Variants in FER observed in about 807,000 individuals in gnomAD.
The protein encoded by FER is tyrosine-protein kinase Fer.
FER carries 63 observed loss-of-function variants against 111.0 expected under a neutral mutation model. The observed-to-expected ratio is 0.57, with a 90% CI of 0.46 to 0.70. The LOEUF is 0.70. Ranked by LOEUF, FER falls within the 30% of genes least tolerant of loss-of-function variation. The probability of loss-of-function intolerance (pLI) is 0.00; values close to 1 mark genes in which losing one functional copy is unlikely to be tolerated. For synonymous variants in FER, 327 were observed against 313.9 expected (o/e 1.04, Z -0.44); for missense variants, 914 against 954.0 (o/e 0.96, Z 0.55).
chr5:109,090,137 A>G (rs1210790462), intron 16 of FER, among the ~76,000 whole-genome samples: 1 of 152,172 alleles, frequency 6.6e-6, no homozygotes, highest in African/African-American at 2.4e-5. Flanking sequence ...CACTGGGGGC[A>G]CTGAGAACCA....
At chr5:108,967,859 A>G (rs746486561) in intron 13 of FER, among the ~76,000 whole-genome samples, 4 of 151,644 alleles carry the variant, frequency 2.6e-5, no homozygotes, top group Non-Finnish European at 5.9e-5. Context: ...ACAGGCTCTC[A>G]ATGTAGTCCA....
chr5:109,182,410 G>GA (rs1407680744), intron 18 of FER, among the ~76,000 whole-genome samples: 1 of 152,068 alleles, frequency 6.6e-6, no homozygotes, highest in Non-Finnish European at 1.5e-5. Flanking sequence ...TTAGAATCTA[G>GA]AAAAAATGGC....
At chr5:108,902,486 A>G (rs896361870) in intron 10 of FER, among the ~76,000 whole-genome samples, 1 of 152,174 alleles carries the variant, frequency 6.6e-6, no homozygotes, top group African/African-American at 2.4e-5. Context: ...GCCAAAAGAA[A>G]CAGTAATATT....
At chr5:108,796,823 C>G (rs1756079618) in intron 2 of FER, among the ~76,000 whole-genome samples, 1 of 152,088 alleles carries the variant, frequency 6.6e-6, no homozygotes, top group African/African-American at 2.4e-5. Context: ...AGAGGCAAGG[C>G]CTGGAATTGG....
At chr5:109,009,332 C>T (rs528083544) in intron 13 of FER, among the ~76,000 whole-genome samples, 54 of 152,162 alleles carry the variant, frequency 3.5e-4, no homozygotes, top group African/African-American at 1.3e-3. Flanking sequence ...CCGTGCCCGG[C>T]CCTCTTCCAT....
intron 3 of FER, among the ~76,000 whole-genome samples, chr5:108,810,271 G>A (rs1048117434): frequency 6.6e-6 from 1 of 152,268 alleles, no homozygotes; most frequent in East Asian, 1.9e-4. Flanking sequence ...TAGGTAAGAC[G>A]TGGCTGTGGC....
intron 3 of FER, among the ~76,000 whole-genome samples, chr5:108,807,441 T>C (rs1049306588): frequency 1.3e-5 from 2 of 152,248 alleles, no homozygotes; most frequent in Non-Finnish European, 2.9e-5. Context: ...TGAGGATCTT[T>C]TGTTTTTCTG....
At chr5:109,035,066 G>A (rs1178056232) in intron 13 of FER, among the ~76,000 whole-genome samples, 2 of 126,616 alleles carry the variant, frequency 1.6e-5, no homozygotes, top group African/African-American at 3.1e-5. Flanking sequence ...ACTGAGTCTC[G>A]CTCTGTCATC....
chr5:108,926,976 C>G (rs1439376470), intron 10 of FER, among the ~76,000 whole-genome samples: 3 of 151,992 alleles, frequency 2.0e-5, no homozygotes, highest in Admixed American at 6.6e-5. Context: ...TGAGACTAGT[C>G]TAGACATAGT....
chr5:109,177,104 A>G (rs201481101), intron 17 of FER, among the ~76,000 whole-genome samples: 1 of 128,912 alleles, frequency 7.8e-6, no homozygotes, highest in Non-Finnish European at 1.9e-5. Flanking sequence ...TATAAGTGAT[A>G]TAAAAATTAT....
chr5:108,908,831 A>C (rs1272817306), intron 10 of FER, among the ~76,000 whole-genome samples: 1 of 152,114 alleles, frequency 6.6e-6, no homozygotes, highest in Non-Finnish European at 1.5e-5. Context: ...TTGAGCTCAG[A>C]AGTTCTAGAC....
chr5:109,107,478 C>G (rs1749084129), intron 17 of FER, among the ~76,000 whole-genome samples: 3 of 152,068 alleles, frequency 2.0e-5, no homozygotes, highest in Admixed American at 6.6e-5. Context: ...TCCTCTCCCT[C>G]CCTCCACCCT....
intron 13 of FER, among the ~76,000 whole-genome samples, chr5:109,032,422 T>C (rs1278614520): frequency 6.6e-6 from 1 of 152,156 alleles, no homozygotes; most frequent in Non-Finnish European, 1.5e-5. Flanking sequence ...TTGCCCCCAG[T>C]TTCCTGTATT....
rs1218958741 is a variant in FER at position 109,146,217 on chromosome 5, TATATATTATCTATCTA to T, written c.2049-34523_2049-34508del. ...ATATATAATCTATCTATTTTATATA[TATATATTATCTATCTA>T]ATATATATATAATCTATCTAATATA... is the stretch of plus-strand genomic sequence containing the variant. On this transcript the variant is annotated intron_variant, in intron 17 of 19. Transcript: ENST00000281092. 9.4e-5 allele frequency among the ~76,000 whole-genome samples: 13 copies of T among 138,386 alleles called. 1 individual carries two copies. Among genetic ancestry groups the T allele is most frequent in the African/African-American group, 3.2e-4 (12 of 37,072 alleles). 90.8% of individuals were successfully genotyped at this position (138,386 alleles called of 152,430 possible).
rs187200238 is a variant in FER, at chr5:108,855,117, G to A, written c.482-12650G>A. On this transcript the variant is annotated intron_variant, in intron 5 of 19. Coordinates refer to ENST00000281092, the MANE Select transcript of FER (RefSeq NM_005246.4). ...AAATGTGGGAAGACTGGTTTTTAGA[G>A]TCTTATTAGATACTCAAGTGGAACT... Among the ~76,000 whole-genome samples the A allele has an allele frequency of 2.7e-3, 411 of 152,164 alleles. 2 individuals are homozygous for A. Among genetic ancestry groups the A allele is most frequent in the African/African-American group, 9.3e-3 (387 of 41,516 alleles).
chr5:108,770,315 T>C (rs35290386), intron 2 of FER, among the ~76,000 whole-genome samples: 8,051 of 152,264 alleles, frequency 0.053, 311 homozygotes, highest in Non-Finnish European at 0.078. Context: ...GAAGTAAAAA[T>C]AATTGGTCTA....
chr5:109,049,420 A>C (rs1433261815), intron 16 of FER, among the ~76,000 whole-genome samples: 1 of 152,182 alleles, frequency 6.6e-6, no homozygotes, highest in East Asian at 1.9e-4. Flanking sequence ...TCTGTCTGCC[A>C]GGGGCATCTC....
intron 2 of FER, among the ~76,000 whole-genome samples, chr5:108,794,883 C>T (rs893512489): frequency 2.0e-5 from 3 of 152,172 alleles, no homozygotes; most frequent in Admixed American, 1.3e-4. Context: ...ATTAAATCTG[C>T]TTGTTGTTCA....
chr5:108,977,747 C>A (rs985405490), intron 13 of FER, among the ~76,000 whole-genome samples: 2 of 152,180 alleles, frequency 1.3e-5, no homozygotes, highest in African/African-American at 4.8e-5. Flanking sequence ...CTCATAATGG[C>A]TTTCAGATTT....
Sources: allele counts gnomAD v4.1 joint callset (sites outside exome capture counted in the v4.1 genomes callset), GRCh38; gene constraint gnomAD v4.1.1; transcripts MANE v1.5; gene names NCBI Gene and HGNC (gene_info 2026-07-23, HGNC 2026-07-21).